Variants in CACNA2D3 observed in about 807,000 individuals in gnomAD.
CACNA2D3 encodes the protein calcium voltage-gated channel auxiliary subunit alpha2delta 3, also known as voltage-dependent calcium channel subunit alpha-2/delta-3.
Under a neutral mutation model 160.6 loss-of-function variants are expected in CACNA2D3, and 60 were observed. The observed-to-expected ratio is 0.37, with a 90% CI of 0.30 to 0.46. The LOEUF (loss-of-function observed/expected upper bound fraction) is 0.46, where lower values mean the gene tolerates loss of function less well. CACNA2D3 is among the 20% of genes least tolerant of loss of function. The probability of loss-of-function intolerance (pLI) is 1.00; values close to 1 mark genes in which losing one functional copy is unlikely to be tolerated. For synonymous variants in CACNA2D3, 558 were observed against 492.9 expected (o/e 1.13, Z -1.75); for missense variants, 1,205 against 1,365.0 (o/e 0.88, Z 1.85).
intron 35 of CACNA2D3, among the ~76,000 whole-genome samples, chr3:55,054,348 T>C (rs1704311072): frequency 6.6e-6 from 1 of 151,864 alleles, no homozygotes; most frequent in Admixed American, 6.6e-5. Flanking sequence ...TTTTTCTCTT[T>C]GTTCTCTAAT....
chr3:54,460,375 A>G (rs1575467500), intron 4 of CACNA2D3, among the ~76,000 whole-genome samples: 2 of 152,250 alleles, frequency 1.3e-5, no homozygotes, highest in Non-Finnish European at 1.5e-5. Flanking sequence ...CAGTATGGCC[A>G]TTTTCACGAT....
chr3:54,274,594 G>A (rs1292466239), intron 2 of CACNA2D3, among the ~76,000 whole-genome samples: 1 of 152,228 alleles, frequency 6.6e-6, no homozygotes, highest in African/African-American at 2.4e-5. Context: ...CAAAATAGTG[G>A]CTTAAAACAG....
chr3:54,928,837 A>G (rs1213346893), intron 27 of CACNA2D3, among the ~76,000 whole-genome samples: 4 of 152,004 alleles, frequency 2.6e-5, no homozygotes, highest in Admixed American at 2.6e-4. Flanking sequence ...ATAAAACAAT[A>G]AAGCCGCCCC....
chr3:54,245,991 AT>A (rs1702068053), intron 2 of CACNA2D3, among the ~76,000 whole-genome samples: 1 of 152,206 alleles, frequency 6.6e-6, no homozygotes, highest in Admixed American at 6.5e-5. Flanking sequence ...GCATATCTAC[AT>A]TTTGAGAGCA....
intron 2 of CACNA2D3, among the ~76,000 whole-genome samples, chr3:54,126,571 G>C (rs144003477): frequency 2.1e-3 from 313 of 152,256 alleles, no homozygotes; most frequent in African/African-American, 7.0e-3. Context: ...ATAGCAACCT[G>C]TTAGGTCCTT....
chr3:54,867,957 G>A (rs1297445611), intron 17 of CACNA2D3, among the ~76,000 whole-genome samples: 1 of 150,436 alleles, frequency 6.6e-6, no homozygotes, highest in African/African-American at 2.5e-5. Context: ...TAATGGGAGT[G>A]GTGCCCAAGG....
At position 55,073,845 on chromosome 3, in the gene CACNA2D3, G is replaced by T; in HGVS notation, c.3169G>T (p.Gly1057Cys). 2 of 1,613,540 alleles carry T rather than the reference G, an allele frequency of 1.2e-6. No individual in the cohort carries two copies. Among genetic ancestry groups the T allele is most frequent in the Non-Finnish European group, 1.7e-6 (2 of 1,179,602 alleles). Residue 1057 changes from glycine to cysteine, a missense_variant, in exon 37 of 38, where the codon GGC becomes TGC. By Grantham distance (159) the Gly-to-Cys change is radical. This residue lies in a region of CACNA2D3 where 911 missense variants were observed against 1,002.2 expected (regional missense o/e 0.91). Transcript: ENST00000474759. Reference protein sequence around the residue: ...KIRRRPESCHGFHPEENAREC... With the variant: ...KIRRRPESCHCFHPEENAREC... ...CAGAAGGCGCCCAGAATCTTGTCAT[G>T]GCTTCCATCCTGAGGTAAGTCTGAG...
chr3:54,855,757 C>G (rs906109860), intron 17 of CACNA2D3, among the ~76,000 whole-genome samples: 12 of 152,166 alleles, frequency 7.9e-5, no homozygotes, highest in Admixed American at 1.3e-4. Flanking sequence ...ATAAGCTCCC[C>G]CTTCTGCTCA....
rs191670982 is a variant in CACNA2D3 at position 54,782,308 on chromosome 3, G to A, written c.1380+17957G>A. ...ATATAACAATGCTGTATTATATACT[G>A]TTAAGGTTTCTTTTGTGAAATGGAA... On this transcript the variant is annotated intron_variant, in intron 13 of 37. Transcript: ENST00000474759. Among the ~76,000 whole-genome samples, 384 of 152,254 alleles carry A rather than the reference G, an allele frequency of 2.5e-3. 2 individuals carry two copies. The highest frequency in any genetic ancestry group is 8.9e-3 in the African/African-American group (369 of 41,560).
intron 4 of CACNA2D3, among the ~76,000 whole-genome samples, chr3:54,484,474 C>T (rs191195258): frequency 4.9e-4 from 74 of 152,150 alleles, no homozygotes; most frequent in African/African-American, 1.6e-3. Context: ...AATTTGTTAC[C>T]GTGGTAACCG....
chr3:54,201,706 G>A (rs1701182542), intron 2 of CACNA2D3, among the ~76,000 whole-genome samples: 1 of 152,174 alleles, frequency 6.6e-6, no homozygotes, highest in South Asian at 2.1e-4. Flanking sequence ...AGCCAAATGT[G>A]TATTTGATTT....
chr3:54,544,614 T>G (rs1702032466), intron 5 of CACNA2D3, among the ~76,000 whole-genome samples: 1 of 152,046 alleles, frequency 6.6e-6, no homozygotes, highest in South Asian at 2.1e-4. Flanking sequence ...CCCAGGCTGG[T>G]CTCAAACTCC....
intron 27 of CACNA2D3, among the ~76,000 whole-genome samples, chr3:54,937,503 A>G (rs1486517592): frequency 6.6e-6 from 1 of 152,206 alleles, no homozygotes; most frequent in Admixed American, 6.5e-5. Context: ...TGTATTTTCC[A>G]ATCTGTGTAT....
At chr3:55,054,141 C>T (rs1257650806) in intron 35 of CACNA2D3, among the ~76,000 whole-genome samples, 2 of 151,744 alleles carry the variant, frequency 1.3e-5, no homozygotes, top group Admixed American at 6.6e-5. Context: ...TAAATTGCTT[C>T]AGGTGTAGTG....
chr3:54,685,210 TCAA>T (rs771033654), intron 11 of CACNA2D3, among the ~76,000 whole-genome samples: 3 of 151,968 alleles, frequency 2.0e-5, no homozygotes, highest in Non-Finnish European at 2.9e-5. Flanking sequence ...ATGAATGAAA[TCAA>T]CAACAAGAAA....
At chr3:54,170,636 T>C (rs574531461) in intron 2 of CACNA2D3, among the ~76,000 whole-genome samples, 2 of 152,226 alleles carry the variant, frequency 1.3e-5, no homozygotes, top group East Asian at 1.9e-4. Flanking sequence ...CTCCCTCCTT[T>C]CTTCCTTCCT....
chr3:54,208,360 G>T (rs1167960014), intron 2 of CACNA2D3, among the ~76,000 whole-genome samples: 1 of 152,050 alleles, frequency 6.6e-6, no homozygotes, highest in Non-Finnish European at 1.5e-5. Flanking sequence ...TGTCTATCTC[G>T]GCCTTCCAAA....
chr3:54,145,715 G>A (rs892156161), intron 2 of CACNA2D3, among the ~76,000 whole-genome samples: 9 of 152,184 alleles, frequency 5.9e-5, no homozygotes, highest in African/African-American at 2.2e-4. Flanking sequence ...GCATGAAGTC[G>A]ACAAGTGAGA....
intron 17 of CACNA2D3, among the ~76,000 whole-genome samples, chr3:54,849,346 TC>T (rs1699006425): frequency 1.3e-5 from 2 of 150,614 alleles, no homozygotes; most frequent in South Asian, 4.1e-4. Context: ...AGTTGTTTGT[TC>T]ATCTCTGTTT....
Sources: allele counts gnomAD v4.1 joint callset (sites outside exome capture counted in the v4.1 genomes callset), GRCh38; gene constraint gnomAD v4.1.1; regional missense constraint gnomAD v4.1.1; transcripts MANE v1.5; gene names NCBI Gene and HGNC (gene_info 2026-07-23, HGNC 2026-07-21).